The following TMIGD3 variants were observed in gnomAD, a reference collection of about 807,000 sequenced individuals.
TMIGD3 encodes the protein AD026 protein (AD026).
A neutral mutation model predicts 28.1 loss-of-function variants in TMIGD3; 21 were observed. The observed-to-expected ratio is 0.75, with a 90% CI of 0.53 to 1.08. The LOEUF (loss-of-function observed/expected upper bound fraction) is 1.08. Among genes scored for constraint, TMIGD3 ranks in the 50% least tolerant of loss-of-function variants. The pLI is 0.00. For synonymous variants in TMIGD3, 151 were observed against 162.1 expected, an observed-to-expected ratio of 0.93 and a Z score of 0.52; for missense variants, 416 against 435.6, an observed-to-expected ratio of 0.96 and a Z score of 0.40.
chr1:111,516,390 G>A (rs1023333653), intron 1 of TMIGD3, among the ~76,000 whole-genome samples: 3 of 152,218 alleles, frequency 2.0e-5, no homozygotes, highest in South Asian at 2.1e-4. Context: ...CAGAGGCCGG[G>A]CTTGGAGCAC....
At chr1:111,528,829 A>G (rs1174411990) in intron 1 of TMIGD3, among the ~76,000 whole-genome samples, 1 of 152,074 alleles carries the variant, frequency 6.6e-6, no homozygotes, top group Non-Finnish European at 1.5e-5. Flanking sequence ...TATTCCTTGT[A>G]TAGAGAAGCA....
At position 111,503,037 on chromosome 1, in the gene TMIGD3, C is replaced by T; in HGVS notation, c.318G>A (p.Val106=). 6.2e-7 allele frequency: 1 copy of T among 1,614,186 alleles called. No individual in the cohort carries two copies. Among genetic ancestry groups the T allele is most frequent in the Non-Finnish European group, 8.5e-7 (1 of 1,180,030 alleles). ...TAAGCTTGACCCGCAAGTATCGGTC[C>T]ACAGCGATGGCCAGCAAGGACATGA... ...ASIMSLLAIA[V]DRYLRVKLTV... Residue 106 remains valine (V), a synonymous_variant, in exon 1 of 6, where the codon GTG becomes GTA. Coordinates refer to ENST00000369716, the MANE Select transcript of TMIGD3 (RefSeq NM_020683.7).
At chr1:111,497,801 T>G (rs571561107) in intron 1 of TMIGD3, among the ~76,000 whole-genome samples, 1 of 152,172 alleles carries the variant, frequency 6.6e-6, no homozygotes. Flanking sequence ...TCCATTTAAA[T>G]CAAGTTTTAA....
intron 1 of TMIGD3, among the ~76,000 whole-genome samples, chr1:111,535,388 C>A (rs1049154179): frequency 6.6e-6 from 1 of 152,172 alleles, no homozygotes; most frequent in Non-Finnish European, 1.5e-5. Context: ...AGGTTCAGAG[C>A]CATTTCAGGC....
At chr1:111,512,004 CA>C (rs60661777) in intron 1 of TMIGD3, among the ~76,000 whole-genome samples, 34,865 of 152,038 alleles carry the variant, frequency 0.23, 4,900 homozygotes, top group East Asian at 0.45. Context: ...AGTTCAGGGT[CA>C]AAACTAGAAA....
At chr1:111,515,290 T>C (rs1051994152) in intron 1 of TMIGD3, among the ~76,000 whole-genome samples, 1 of 152,172 alleles carries the variant, frequency 6.6e-6, no homozygotes, top group Non-Finnish European at 1.5e-5. Flanking sequence ...TCTTCCTTCC[T>C]GATTTCACTG....
chr1:111,523,389 G>T (rs1315992478), intron 1 of TMIGD3, among the ~76,000 whole-genome samples: 2 of 152,098 alleles, frequency 1.3e-5, no homozygotes, highest in Non-Finnish European at 2.9e-5. Context: ...CGTTGCTAAA[G>T]ATTTTATGGT....
chr1:111,508,465 C>T (rs889219121), upstream of TMIGD3, among the ~76,000 whole-genome samples: 4 of 152,130 alleles, frequency 2.6e-5, no homozygotes, highest in African/African-American at 4.8e-5. Context: ...GAACTTGAAA[C>T]GCTCCTTTGA....
At chr1:111,504,446 G>A (rs1655403910), upstream of TMIGD3, among the ~76,000 whole-genome samples, 1 of 152,174 alleles carries the variant, frequency 6.6e-6, no homozygotes, top group African/African-American at 2.4e-5. Flanking sequence ...CCCTCTCCCT[G>A]AAGCTGCTTA....
At chr1:111,506,443 C>T (rs573120005), upstream of TMIGD3, among the ~76,000 whole-genome samples, 1 of 152,350 alleles carries the variant, frequency 6.6e-6, no homozygotes, top group South Asian at 2.1e-4. Flanking sequence ...GAAATAGATA[C>T]TACCATTATG....
At chr1:111,534,282 T>TG (rs1656565851) in intron 1 of TMIGD3, among the ~76,000 whole-genome samples, 1 of 152,164 alleles carries the variant, frequency 6.6e-6, no homozygotes, top group South Asian at 2.1e-4. Context: ...TTGCAGGAGT[T>TG]GGAGTTGTTT....
upstream of TMIGD3, chr1:111,503,988 C>T (rs534460331): frequency 1.5e-5 from 15 of 985,386 alleles, no homozygotes; most frequent in Admixed American, 1.8e-4. Context: ...AGGAGGCAAA[C>T]GGGAGAAGCA....
At chr1:111,549,261 T>TA (rs1657156751) in intron 1 of TMIGD3, among the ~76,000 whole-genome samples, 1 of 152,088 alleles carries the variant, frequency 6.6e-6, no homozygotes, top group East Asian at 1.9e-4. Flanking sequence ...TAAGGATAAT[T>TA]ATTTGAAAAT....
intron 1 of TMIGD3, among the ~76,000 whole-genome samples, chr1:111,513,273 C>T (rs966009174): frequency 6.6e-6 from 1 of 152,228 alleles, no homozygotes; most frequent in African/African-American, 2.4e-5. Context: ...AAAGGGGCCA[C>T]CTCCTGCACA....
chr1:111,523,347 GTAT>G, intron 1 of TMIGD3, among the ~76,000 whole-genome samples: 1 of 152,210 alleles, frequency 6.6e-6, no homozygotes, highest in South Asian at 2.1e-4. Flanking sequence ...ACTATGTACC[GTAT>G]TATTCTTTTT....
intron 1 of TMIGD3, among the ~76,000 whole-genome samples, chr1:111,530,408 A>G (rs1656421278): frequency 6.6e-6 from 1 of 152,012 alleles, no homozygotes; most frequent in Non-Finnish European, 1.5e-5. Flanking sequence ...TACCATTTCC[A>G]TTGCTCTTTA....
chr1:111,554,137 G>A (rs1195253214), intron 1 of TMIGD3, among the ~76,000 whole-genome samples: 1 of 152,210 alleles, frequency 6.6e-6, no homozygotes, highest in Non-Finnish European at 1.5e-5. Flanking sequence ...CTATGCCTCA[G>A]TTTCTCCATC....
chr1:111,531,716 A>T (rs1656464920), intron 1 of TMIGD3, among the ~76,000 whole-genome samples: 1 of 151,902 alleles, frequency 6.6e-6, no homozygotes, highest in Admixed American at 6.6e-5. Flanking sequence ...TATTTTTAAA[A>T]TTATTTATTT....
intron 1 of TMIGD3, among the ~76,000 whole-genome samples, chr1:111,549,640 A>C (rs1657180283): frequency 7.1e-6 from 1 of 141,124 alleles, no homozygotes; most frequent in Non-Finnish European, 1.5e-5. Flanking sequence ...ACAGAGTGAG[A>C]CTCTGTTTCA....
Sources: gnomAD v4.1 joint callset for allele counts (sites outside exome capture counted in the v4.1 genomes callset) on GRCh38, gnomAD v4.1.1 for gene constraint, MANE v1.5 for transcripts, NCBI Gene and HGNC (gene_info 2026-07-23, HGNC 2026-07-21) for gene names.